PPP6R3: variants seen among roughly 807,000 people sequenced by gnomAD.
The protein encoded by PPP6R3 is protein phosphatase 6 regulatory subunit 3, also known as serine/threonine-protein phosphatase 6 regulatory subunit 3.
In PPP6R3, 38 loss-of-function variants were observed where a neutral mutation model predicts 110.7. The ratio of observed to expected loss-of-function variants is 0.34; its 90% CI spans 0.26 to 0.45. PPP6R3 has a LOEUF of 0.45. Ranked by LOEUF, PPP6R3 falls within the 20% of genes least tolerant of loss-of-function variation. PPP6R3 has a pLI of 1.00. For missense variants in PPP6R3, 870 were observed against 1,062.4 expected (o/e 0.82, Z 2.52); for synonymous variants, 369 against 373.5 (o/e 0.99, Z 0.14).
chr11:68,567,151 C>T lies in PPP6R3; in HGVS notation c.1113C>T (p.Ser371=). The T allele has an allele frequency of 6.5e-7, 1 of 1,543,586 alleles. No homozygotes were observed. The highest frequency in any genetic ancestry group is 8.7e-7 in the Non-Finnish European group (1 of 1,144,312). The change falls in exon 10 of 24, where the codon AGC becomes AGT. Residue 371 remains serine, a synonymous_variant. Transcript: ENST00000393800. ...ATGGGGACCTTATGGAGCTGAATAGCATTGGAGTCATATTGGTGAGATTTT... is the reference window on the plus strand; with the variant it reads ...ATGGGGACCTTATGGAGCTGAATAGTATTGGAGTCATATTGGTGAGATTTT... ...SINGDLMELN[S]IGVILNMFFK... is the part of the protein sequence containing the mutation.
chr11:68,487,113 T>G (rs542074456), intron 1 of PPP6R3, among the ~76,000 whole-genome samples: 2 of 152,358 alleles, frequency 1.3e-5, no homozygotes, highest in East Asian at 1.9e-4. Context: ...ATGCTTACTT[T>G]GGAATTAATT....
intron 1 of PPP6R3, among the ~76,000 whole-genome samples, chr11:68,470,900 A>G (rs1591547848): frequency 6.6e-6 from 1 of 152,234 alleles, no homozygotes; most frequent in Admixed American, 6.5e-5. Context: ...GTGCATGTTC[A>G]GTTTCTGAAG....
rs1372400191 is a variant in PPP6R3, at chr11:68,590,678, A to T, written c.1749A>T (p.Val583=). Residue 583 remains valine (V), a synonymous_variant, in exon 17 of 24, where the codon GTA becomes GTT. Transcript: ENST00000393800. Reference sequence around the variant, plus strand: ...TTTACAGTGTTTCTTTTGATCGAGTATCAGACATCAACTTTACTCTCAATA... The same window carrying T: ...TTTACAGTGTTTCTTTTGATCGAGTTTCAGACATCAACTTTACTCTCAATA... ...DDIGNVSFDR[V]SDINFTLNTN... The T allele has an allele frequency of 6.3e-7, 1 of 1,593,474 alleles. No individual in the cohort carries two copies. The highest frequency in any genetic ancestry group is 1.1e-5 in the South Asian group (1 of 88,592).
At chr11:68,597,403 TG>T (rs1460929549) in intron 19 of PPP6R3, among the ~76,000 whole-genome samples, 5 of 152,134 alleles carry the variant, frequency 3.3e-5, no homozygotes, top group African/African-American at 1.2e-4. Context: ...GATCAGGAGT[TG>T]TATTCTGAAG....
intron 4 of PPP6R3, 105 bp downstream of exon 4, chr11:68,545,129 G>T (rs1415087997): frequency 3.7e-6 from 3 of 814,070 alleles, no homozygotes; most frequent in Non-Finnish European, 5.6e-6. Flanking sequence ...TTAAGTTCAG[G>T]TTGTATAAGA....
At chr11:68,558,428 T>C (rs1025676113) in intron 7 of PPP6R3, 138 bp from the exon 8 acceptor site, 4 of 559,426 alleles carry the variant, frequency 7.2e-6, no homozygotes, top group South Asian at 2.4e-5. Context: ...TTAATAAGTA[T>C]ATAGAAATAA....
chr11:68,583,242 A>G, intron 15 of PPP6R3, 113 bp downstream of exon 15: 1 of 798,334 alleles, frequency 1.3e-6, no homozygotes, highest in Admixed American at 3.3e-5. Context: ...ATTTGGGGTT[A>G]CTTATTAGTT....
At chr11:68,466,802 A>G (rs972508482) in intron 1 of PPP6R3, among the ~76,000 whole-genome samples, 14 of 152,092 alleles carry the variant, frequency 9.2e-5, no homozygotes, top group African/African-American at 2.9e-4. Context: ...TTTTATAGAG[A>G]TGGGGTTTCT....
At chr11:68,532,908 A>C (rs1592670858) in intron 2 of PPP6R3, among the ~76,000 whole-genome samples, 1 of 152,330 alleles carries the variant, frequency 6.6e-6, no homozygotes, top group East Asian at 1.9e-4. Flanking sequence ...AAGTCACTCT[A>C]TGATGTTTGC....
At chr11:68,488,681 A>T (rs910708336) in intron 1 of PPP6R3, 5 of 152,338 alleles carry the variant, frequency 3.3e-5, no homozygotes, top group African/African-American at 1.2e-4. Flanking sequence ...TGTTCTCATC[A>T]TGTAGAAGGG....
chr11:68,473,876 CTT>C (rs1172921090), intron 1 of PPP6R3, among the ~76,000 whole-genome samples: 7 of 151,998 alleles, frequency 4.6e-5, no homozygotes, highest in African/African-American at 1.7e-4. Flanking sequence ...GCATACAAGT[CTT>C]TGGGTAGACA....
chr11:68,596,959 C>G (rs2153904380), intron 19 of PPP6R3, among the ~76,000 whole-genome samples: 1 of 152,292 alleles, frequency 6.6e-6, no homozygotes, highest in East Asian at 1.9e-4. Flanking sequence ...ATCCAGCAAA[C>G]TGCCACATGT....
intron 14 of PPP6R3, among the ~76,000 whole-genome samples, chr11:68,582,109 C>A (rs758782405): frequency 6.6e-6 from 1 of 152,194 alleles, no homozygotes; most frequent in East Asian, 1.9e-4. Context: ...CATGAGTTGG[C>A]AGGTAGCAGC....
intron 3 of PPP6R3, among the ~76,000 whole-genome samples, chr11:68,541,535 A>G (rs1199288312): frequency 6.6e-6 from 1 of 152,142 alleles, no homozygotes; most frequent in African/African-American, 2.4e-5. Context: ...CAGTGAAATA[A>G]GATTGCAGAG....
chr11:68,484,744 C>T (rs542712792), intron 1 of PPP6R3, among the ~76,000 whole-genome samples: 5 of 152,114 alleles, frequency 3.3e-5, no homozygotes, highest in South Asian at 2.1e-4. Context: ...CCCGCCACCA[C>T]GCCCAGCTAA....
chr11:68,534,728 A>C (rs1284272216), intron 2 of PPP6R3, among the ~76,000 whole-genome samples: 1 of 152,172 alleles, frequency 6.6e-6, no homozygotes, highest in Non-Finnish European at 1.5e-5. Context: ...CTTTGCCTTT[A>C]ATACTAAGTG....
At chr11:68,516,022 G>T (rs900344061) in intron 1 of PPP6R3, among the ~76,000 whole-genome samples, 1 of 152,074 alleles carries the variant, frequency 6.6e-6, no homozygotes, top group Admixed American at 6.6e-5. Context: ...CTCTGATTTT[G>T]ACTATTCTGA....
chr11:68,612,704 T>C (rs2153982953), intron 23 of PPP6R3, among the ~76,000 whole-genome samples: 1 of 152,256 alleles, frequency 6.6e-6, no homozygotes, highest in South Asian at 2.1e-4. Flanking sequence ...ACATAAAAGC[T>C]TTCTTGAAGG....
chr11:68,531,168 G>A (rs532151947), intron 2 of PPP6R3, among the ~76,000 whole-genome samples: 17 of 152,172 alleles, frequency 1.1e-4, no homozygotes, highest in Admixed American at 5.9e-4. Context: ...TTGTGAAGAT[G>A]TAGATTAAAA....
Sources: allele counts gnomAD v4.1 joint callset (sites outside exome capture counted in the v4.1 genomes callset), GRCh38; gene constraint gnomAD v4.1.1; transcripts MANE v1.5; gene names NCBI Gene and HGNC (gene_info 2026-07-23, HGNC 2026-07-21).